The following PI15 variants were observed in gnomAD, a reference collection of about 807,000 sequenced individuals.
PI15 encodes peptidase inhibitor 15, also known as 25 kDa trypsin inhibitor.
Under a neutral mutation model 31.0 loss-of-function variants are expected in PI15, and 18 were observed. The ratio of observed to expected loss-of-function variants is 0.58; its 90% confidence interval spans 0.40 to 0.86. PI15 has a LOEUF of 0.86. PI15 is among the 40% of genes least tolerant of loss of function. The pLI is 0.00. For synonymous variants in PI15, 118 were observed against 119.1 expected (o/e 0.99, Z 0.06); for missense variants, 282 against 328.1 (o/e 0.86, Z 1.09).
At chr8:74,831,273 TG>T (rs1370113428) in intron 2 of PI15, among the ~76,000 whole-genome samples, 1 of 152,212 alleles carries the variant, frequency 6.6e-6, no homozygotes. Flanking sequence ...AGGTGGTGAC[TG>T]TACTTCCGAG....
Position 74,850,891 on chromosome 8 carries a change from C to T in PI15, c.*1638C>T, listed in dbSNP as rs919890781. 6.6e-6 allele frequency: 1 copy of T among 152,274 alleles called. No individual in the cohort carries two copies. Among genetic ancestry groups the T allele is most frequent in the Non-Finnish European group, 1.5e-5 (1 of 68,000 alleles). The allele number at this position is 152,274 out of a possible 1,614,324, so 9.4% of individuals were successfully genotyped here. A position where few individuals can be genotyped will look rare whatever the true frequency, so the allele number is the denominator to read the frequency against. Reference sequence around the variant, plus strand: ...GTAATGCTCCCGTAGAATTATAGAACAATTAAATATGGTTAGTTCCAGAGT... The same window carrying T: ...GTAATGCTCCCGTAGAATTATAGAATAATTAAATATGGTTAGTTCCAGAGT... On this transcript the variant is annotated 3_prime_UTR_variant, in exon 6 of 6. Coordinates refer to ENST00000260113, the MANE Select transcript of PI15 (RefSeq NM_015886.5).
rs781497593 is a variant in PI15 at position 74,844,106 on chromosome 8, A to G, written c.392+7A>G. ...TATCTGTACGCACTGGAAGGTAGGA[A>G]GTAATTTCACTGATGCAGTTCATCC... On this transcript the variant is annotated splice_region_variant and intron_variant, in intron 3 of 5. Coordinates refer to ENST00000260113, the MANE Select transcript of PI15 (RefSeq NM_015886.5). The G allele has an allele frequency of 1.0e-5, 12 of 1,201,462 alleles. No individual in the cohort carries two copies. The allele number at this position is 1,201,462 out of a possible 1,614,324, so 74.4% of individuals were successfully genotyped here.
intron 5 of PI15, among the ~76,000 whole-genome samples, chr8:74,846,751 A>G (rs1194664896): frequency 6.6e-6 from 1 of 152,172 alleles, no homozygotes; most frequent in Non-Finnish European, 1.5e-5. Flanking sequence ...ATATGAAATT[A>G]TGTTAAGTCT....
Position 74,834,223 on chromosome 8 carries a change from C to T in PI15, c.273+8701C>T, listed in dbSNP as rs560959893. Among the ~76,000 whole-genome samples the T allele has an allele frequency of 4.6e-5, 7 of 152,246 alleles. No homozygotes were observed. The South Asian group carries it at 1.5e-3, about 32-fold the overall frequency. ...TGTTCCTCTTCCTGCGTTCATCTCT[C>T]CTGTTTCTGAGCCCTTTGGATAGAG... On this transcript the variant is annotated intron_variant, in intron 2 of 5. Transcript: ENST00000260113.
At chr8:74,829,663 C>A (rs1301288779) in intron 2 of PI15, among the ~76,000 whole-genome samples, 1 of 151,932 alleles carries the variant, frequency 6.6e-6, no homozygotes, top group Non-Finnish European at 1.5e-5. Context: ...AAAAACAAAA[C>A]AAATGGAAAA....
chr8:74,831,981 G>T (rs1178279406), intron 2 of PI15, among the ~76,000 whole-genome samples: 1 of 151,910 alleles, frequency 6.6e-6, no homozygotes, highest in African/African-American at 2.4e-5. Flanking sequence ...TAAGATCCAG[G>T]GTAATCATTG....
rs953604532 is a variant in PI15 at position 74,843,908 on chromosome 8, A to G, written c.274-73A>G. 1.4e-5 allele frequency: 11 copies of G among 799,882 alleles called. No homozygotes were observed. The Admixed American group carries it at 1.9e-4, about 14-fold the overall frequency. 49.5% of individuals were successfully genotyped at this position (799,882 alleles called of 1,614,324 possible). ...AACAATAACTCTAGGAAATAGTAGC[A>G]CCATTTATTTTGTCTTACTTTTTGT... is the stretch of plus-strand genomic sequence containing the variant. On this transcript the variant is annotated intron_variant, in intron 2 of 5. Transcript: ENST00000260113.
At chr8:74,829,637 G>T (rs1354657557) in intron 2 of PI15, among the ~76,000 whole-genome samples, 2 of 152,178 alleles carry the variant, frequency 1.3e-5, no homozygotes, top group Non-Finnish European at 2.9e-5. Flanking sequence ...TGTCTTTAAA[G>T]TCTAAACAAT....
chr8:74,837,505 T>C (rs534069426), intron 2 of PI15, among the ~76,000 whole-genome samples: 3 of 152,312 alleles, frequency 2.0e-5, no homozygotes, highest in South Asian at 4.1e-4. Flanking sequence ...TCCGTTAATT[T>C]TAAAACAGAA....
chr8:74,844,581 G>A (rs1053649832), intron 3 of PI15, among the ~76,000 whole-genome samples: 14 of 152,130 alleles, frequency 9.2e-5, no homozygotes, highest in Admixed American at 6.5e-4. Context: ...ATACATGCAG[G>A]TATATGCAGC....
intron 2 of PI15, among the ~76,000 whole-genome samples, chr8:74,835,135 C>G (rs558657211): frequency 4.2e-4 from 64 of 152,210 alleles, no homozygotes; most frequent in Middle Eastern, 6.8e-3. Context: ...CCTACTTTTC[C>G]AAAATTGAGC....
intron 2 of PI15, among the ~76,000 whole-genome samples, chr8:74,832,205 C>A (rs542984190): frequency 2.6e-5 from 4 of 152,068 alleles, no homozygotes; most frequent in African/African-American, 9.7e-5. Flanking sequence ...GATGAGGCAG[C>A]CAAGGAGGAT....
At chr8:74,841,261 C>T (rs1006670265) in intron 2 of PI15, among the ~76,000 whole-genome samples, 11 of 152,040 alleles carry the variant, frequency 7.2e-5, no homozygotes, top group African/African-American at 1.4e-4. Flanking sequence ...ATATGGAAAA[C>T]GCCAGAACTG....
At chr8:74,838,453 G>A (rs576784454) in intron 2 of PI15, among the ~76,000 whole-genome samples, 5 of 152,006 alleles carry the variant, frequency 3.3e-5, no homozygotes, top group Non-Finnish European at 5.9e-5. Flanking sequence ...GAGTATATGT[G>A]CAGGTTTGTT....
intron 2 of PI15, 119 bp from the exon 3 acceptor site, chr8:74,843,862 A>C (rs1810981363): frequency 2.8e-6 from 2 of 718,880 alleles, no homozygotes; most frequent in Non-Finnish European, 5.0e-6. Context: ...AAAAACAAAA[A>C]CAAAAACAAA....
At chr8:74,842,039 G>A (rs1414328558) in intron 2 of PI15, among the ~76,000 whole-genome samples, 2 of 151,796 alleles carry the variant, frequency 1.3e-5, no homozygotes, top group African/African-American at 4.8e-5. Context: ...TTATTTTAAA[G>A]TCACTAAATT....
intron 5 of PI15, among the ~76,000 whole-genome samples, chr8:74,846,640 C>T (rs1316862695): frequency 1.3e-5 from 2 of 152,220 alleles, no homozygotes; most frequent in Non-Finnish European, 2.9e-5. Context: ...CATTAACATG[C>T]TACATTTCAG....
In PI15 at chr8:74,844,038, G is replaced by A. The variant is rs375946825; in HGVS notation, c.331G>A (p.Asp111Asn). Residue 111 changes from aspartate to asparagine, a missense_variant, in exon 3 of 6, where the codon GAC becomes AAC. Coordinates refer to ENST00000260113, the MANE Select transcript of PI15 (RefSeq NM_015886.5). ...GGCTTGGGCGGCTACTTGCATTTGG[G>A]ACCATGGACCTTCTTACTTACTGAG... ...AEAWAATCIW[D>N]HGPSYLLRFL... 3.7e-5 allele frequency: 59 copies of A among 1,610,008 alleles called. No homozygotes were observed. Among genetic ancestry groups the A allele is most frequent in the South Asian group, 1.1e-4 (10 of 90,978 alleles).
At chr8:74,848,895 A>G (rs1258497123) in intron 5 of PI15, among the ~76,000 whole-genome samples, 1 of 151,734 alleles carries the variant, frequency 6.6e-6, no homozygotes, top group Non-Finnish European at 1.5e-5. Flanking sequence ...CACTACGCCC[A>G]GCTAATTTTT....
Sources: gnomAD v4.1 joint callset for allele counts (sites outside exome capture counted in the v4.1 genomes callset) on GRCh38, gnomAD v4.1.1 for gene constraint, MANE v1.5 for transcripts, NCBI Gene and HGNC (gene_info 2026-07-23, HGNC 2026-07-21) for gene names.